Variants in MOXD1 observed in about 807,000 individuals in gnomAD.
MOXD1 encodes monooxygenase DBH like 1, also known as DBH-like monooxygenase protein 1.
MOXD1 carries 62 observed loss-of-function variants against 66.6 expected under a neutral mutation model. The ratio of observed to expected loss-of-function variants is 0.93; its 90% CI spans 0.76 to 1.15. The LOEUF is 1.15. MOXD1 is among the 50% of genes most tolerant of loss of function. The probability of loss-of-function intolerance (pLI) is 0.00; values close to 1 mark genes in which losing one functional copy is unlikely to be tolerated. For synonymous variants in MOXD1, 303 were observed against 281.9 expected (o/e 1.07, Z -0.75); for missense variants, 847 against 754.6 (o/e 1.12, Z -1.44).
intron 4 of MOXD1, among the ~76,000 whole-genome samples, chr6:132,335,201 GA>G (rs60909726): frequency 1.8e-3 from 266 of 144,724 alleles, no homozygotes; most frequent in African/African-American, 4.8e-3. Flanking sequence ...CCGAGTATTG[GA>G]AAAAAAAAAA....
intron 4 of MOXD1, among the ~76,000 whole-genome samples, chr6:132,343,245 A>G (rs1249521230): frequency 6.6e-6 from 1 of 152,216 alleles, no homozygotes; most frequent in African/African-American, 2.4e-5. Flanking sequence ...AAGTCAAAAA[A>G]CAAAATGGTG....
At chr6:132,333,108 G>C (rs984213055) in intron 4 of MOXD1, among the ~76,000 whole-genome samples, 1 of 152,060 alleles carries the variant, frequency 6.6e-6, no homozygotes, top group African/African-American at 2.4e-5. Flanking sequence ...AGGCCGAGGC[G>C]GGCAGATCAC....
rs368651857 is a variant in MOXD1, at chr6:132,375,812, TC to T, written c.265-1036del. 1.1e-3 allele frequency among the ~76,000 whole-genome samples: 163 copies of T among 152,280 alleles called. 1 individual carries two copies. The highest frequency in any genetic ancestry group is 3.9e-3 in the South Asian group (19 of 4,822). ...ACTAGGATGTGACTCCCAGCTGTAC[TC>T]CTAAACAGCCTTGAAGAATTGTTGA... On this transcript the variant is annotated intron_variant, in intron 1 of 11. Transcript: ENST00000367963.
At chr6:132,368,521 G>A (rs117430679) in intron 4 of MOXD1, among the ~76,000 whole-genome samples, 1,676 of 152,042 alleles carry the variant, frequency 0.011, 16 homozygotes, top group Middle Eastern at 0.024. Context: ...AATAAATTGA[G>A]ATCACAAACG....
chr6:132,307,219 C>A (rs604350), intron 10 of MOXD1, among the ~76,000 whole-genome samples: 1 of 151,892 alleles, frequency 6.6e-6, no homozygotes, highest in African/African-American at 2.4e-5. Context: ...GGTTGCAATC[C>A]TAGTCTCTGA....
At chr6:132,333,496 T>G (rs1775370373) in intron 4 of MOXD1, among the ~76,000 whole-genome samples, 1 of 152,182 alleles carries the variant, frequency 6.6e-6, no homozygotes, top group Admixed American at 6.5e-5. Context: ...TTGTACGAAT[T>G]ATTAAAGAAA....
At chr6:132,394,156 AC>A (rs1208048203) in intron 1 of MOXD1, among the ~76,000 whole-genome samples, 2 of 152,032 alleles carry the variant, frequency 1.3e-5, no homozygotes, top group East Asian at 3.9e-4. Flanking sequence ...CACAACCTCC[AC>A]TAATAATCAC....
rs1417347472 is a variant in MOXD1 at position 132,397,632 on chromosome 6, G to GAC, written c.264+3530_264+3531insGT. ...ACTCACAGAGAGAGAGAGAGAGAGAGAGACAGAAAGAAAGAAAGAAAGAAA... is the reference window on the plus strand; with the variant it reads ...ACTCACAGAGAGAGAGAGAGAGAGAGACAGACAGAAAGAAAGAAAGAAAGAAA... On this transcript the variant is annotated intron_variant, in intron 1 of 11. Transcript: ENST00000367963. 5.9e-3 allele frequency among the ~76,000 whole-genome samples: 646 copies of GAC among 108,892 alleles called. 6 individuals are homozygous for GAC. The highest frequency in any genetic ancestry group is 0.024 in the African/African-American group (610 of 24,988). 71.4% of individuals were successfully genotyped at this position (108,892 alleles called of 152,430 possible).
chr6:132,361,025 T>G (rs1776008498), intron 4 of MOXD1, among the ~76,000 whole-genome samples: 1 of 152,186 alleles, frequency 6.6e-6, no homozygotes, highest in Non-Finnish European at 1.5e-5. Context: ...TTCACTAATT[T>G]TTATAATTCC....
At chr6:132,307,754 C>T (rs1189899755) in intron 10 of MOXD1, among the ~76,000 whole-genome samples, 2 of 152,134 alleles carry the variant, frequency 1.3e-5, no homozygotes, top group East Asian at 1.9e-4. Flanking sequence ...ATCGAACAAC[C>T]TGGTCCTGAA....
chr6:132,365,801 G>T (rs1176117067), intron 4 of MOXD1, among the ~76,000 whole-genome samples: 1 of 152,050 alleles, frequency 6.6e-6, no homozygotes, highest in African/African-American at 2.4e-5. Flanking sequence ...TCTTTCAAAT[G>T]CACTAATTTG....
chr6:132,367,322 T>A (rs916613303), intron 4 of MOXD1, among the ~76,000 whole-genome samples: 2 of 152,128 alleles, frequency 1.3e-5, no homozygotes, highest in Admixed American at 6.6e-5. Context: ...TTTTATTGAA[T>A]TTACTTACCT....
intron 1 of MOXD1, among the ~76,000 whole-genome samples, chr6:132,394,045 T>C (rs1211391156): frequency 6.6e-6 from 1 of 152,126 alleles, no homozygotes; most frequent in Non-Finnish European, 1.5e-5. Context: ...CCCACCATGA[T>C]ATTCCCAGCA....
At chr6:132,380,007 C>T (rs754370151) in intron 1 of MOXD1, among the ~76,000 whole-genome samples, 88 of 152,290 alleles carry the variant, frequency 5.8e-4, no homozygotes, top group Non-Finnish European at 6.2e-4. Flanking sequence ...CTGCCTCAGC[C>T]TCCCACAGTT....
At chr6:132,338,938 A>G (rs1026328196) in intron 4 of MOXD1, among the ~76,000 whole-genome samples, 4 of 152,230 alleles carry the variant, frequency 2.6e-5, no homozygotes, top group Non-Finnish European at 4.4e-5. Context: ...GAGTTTTTAA[A>G]TGCAATTTTA....
chr6:132,319,048 T>C (rs1490144032), intron 9 of MOXD1, among the ~76,000 whole-genome samples: 2 of 151,996 alleles, frequency 1.3e-5, no homozygotes, highest in African/African-American at 4.8e-5. Flanking sequence ...CATATTGTAT[T>C]AATCGCCAGT....
intron 4 of MOXD1, among the ~76,000 whole-genome samples, chr6:132,352,229 T>C (rs955095876): frequency 5.3e-5 from 8 of 152,292 alleles, no homozygotes; most frequent in Admixed American, 5.2e-4. Context: ...CCTTAGAATG[T>C]CAGTTTGTGC....
intron 1 of MOXD1, among the ~76,000 whole-genome samples, chr6:132,399,287 C>T (rs889066649): frequency 1.3e-5 from 2 of 152,078 alleles, no homozygotes; most frequent in Non-Finnish European, 2.9e-5. Context: ...AAACGATCAT[C>T]CTTTACATGT....
At position 132,340,059 on chromosome 6, in the gene MOXD1, G is replaced by A. The variant is rs1775519143; in HGVS notation, c.664-11465C>T. 2.0e-5 allele frequency among the ~76,000 whole-genome samples: 3 copies of A among 151,934 alleles called. 1 individual carries two copies. Among genetic ancestry groups the A allele is most frequent in the Admixed American group, 1.3e-4 (2 of 15,272 alleles). Reference sequence around the variant, plus strand: ...TAATTTTTGTATTTTTAGTAGAGACGGGGTTTCACCGTGTTGGCCAGGCTG... The same window carrying A: ...TAATTTTTGTATTTTTAGTAGAGACAGGGTTTCACCGTGTTGGCCAGGCTG... On this transcript the variant is annotated intron_variant, in intron 4 of 11. Coordinates refer to ENST00000367963, the MANE Select transcript of MOXD1 (RefSeq NM_015529.4).
Sources: allele counts gnomAD v4.1 joint callset (sites outside exome capture counted in the v4.1 genomes callset), GRCh38; gene constraint gnomAD v4.1.1; transcripts MANE v1.5; gene names NCBI Gene and HGNC (gene_info 2026-07-23, HGNC 2026-07-21).